SH3PXD2A: variants seen among roughly 807,000 people sequenced by gnomAD.
The protein encoded by SH3PXD2A is SH3 and PX domain-containing protein 2A.
Under a neutral mutation model 115.2 loss-of-function variants are expected in SH3PXD2A, and 32 were observed. The observed-to-expected ratio is 0.28, with a 90% CI of 0.21 to 0.37. The LOEUF (loss-of-function observed/expected upper bound fraction) is 0.37. Among genes scored for constraint, SH3PXD2A ranks in the 10% least tolerant of loss-of-function variants. The pLI is 1.00. For synonymous variants in SH3PXD2A, 610 were observed against 629.1 expected (o/e 0.97, Z 0.45); for missense variants, 1,328 against 1,498.7 (o/e 0.89, Z 1.88).
intron 8 of SH3PXD2A, 32 bp downstream of exon 8, chr10:103,660,951 C>T: frequency 1.2e-6 from 2 of 1,612,166 alleles, no homozygotes; most frequent in Non-Finnish European, 1.7e-6. Context: ...AGACCGGAAC[C>T]CCAGTGGACG....
intron 8 of SH3PXD2A, among the ~76,000 whole-genome samples, chr10:103,652,335 C>T (rs1027637513): frequency 6.6e-6 from 1 of 152,238 alleles, no homozygotes; most frequent in African/African-American, 2.4e-5. Flanking sequence ...CTGGCTCCCC[C>T]AGACTTTGCA....
intron 3 of SH3PXD2A, among the ~76,000 whole-genome samples, chr10:103,765,768 C>T (rs772602380): frequency 6.6e-6 from 1 of 152,240 alleles, no homozygotes; most frequent in Non-Finnish European, 1.5e-5. Flanking sequence ...TACCGGAGCA[C>T]CATCTAAGGT....
chr10:103,724,138 C>G (rs2038212937), intron 5 of SH3PXD2A, 132 bp downstream of exon 5: 4 of 462,494 alleles, frequency 8.6e-6, no homozygotes, highest in Middle Eastern at 4.8e-4. Flanking sequence ...CTTTGGACCA[C>G]TGTTCTTTAG....
At chr10:103,837,640 G>A (rs1031138347) in intron 1 of SH3PXD2A, among the ~76,000 whole-genome samples, 1 of 152,158 alleles carries the variant, frequency 6.6e-6, no homozygotes, top group Admixed American at 6.5e-5. Context: ...TGAGCCCAGG[G>A]GACGTGGGGC....
chr10:103,748,173 C>A (rs1212153073), intron 3 of SH3PXD2A, among the ~76,000 whole-genome samples: 1 of 152,172 alleles, frequency 6.6e-6, no homozygotes, highest in Non-Finnish European at 1.5e-5. Flanking sequence ...CTCATAACAA[C>A]CTCTGAGCTA....
chr10:103,677,991 G>A (rs2037561154), intron 6 of SH3PXD2A: 2 of 600,070 alleles, frequency 3.3e-6, no homozygotes, highest in African/African-American at 1.9e-5. Flanking sequence ...TGGCTCCCGT[G>A]CAGGCCTCCG....
chr10:103,779,276 C>T (rs1435779246), intron 2 of SH3PXD2A, among the ~76,000 whole-genome samples: 7 of 152,192 alleles, frequency 4.6e-5, no homozygotes, highest in African/African-American at 1.7e-4. Context: ...TCATGTTGGC[C>T]GGGCTGGTCT....
At chr10:103,698,323 C>A (rs2037850680) in intron 5 of SH3PXD2A, among the ~76,000 whole-genome samples, 1 of 152,196 alleles carries the variant, frequency 6.6e-6, no homozygotes, top group South Asian at 2.1e-4. Context: ...CCCGCCACAC[C>A]CCTCACCACT....
intron 5 of SH3PXD2A, among the ~76,000 whole-genome samples, chr10:103,696,576 C>T (rs1420330868): frequency 6.6e-6 from 1 of 152,192 alleles, no homozygotes; most frequent in East Asian, 1.9e-4. Flanking sequence ...TGACAGCCCC[C>T]ACCCTGCCGG....
chr10:103,683,299 G>A (rs1004016191), intron 6 of SH3PXD2A, among the ~76,000 whole-genome samples: 1 of 152,108 alleles, frequency 6.6e-6, no homozygotes, highest in Non-Finnish European at 1.5e-5. Context: ...GACTGCCTGA[G>A]CTCAGGAGTT....
At chr10:103,662,047 T>TGGAA in intron 7 of SH3PXD2A, 1 of 710,742 alleles carries the variant, frequency 1.4e-6, no homozygotes, top group Non-Finnish European at 1.7e-6. Flanking sequence ...GCCCTCTGGC[T>TGGAA]GCAGAGACTG....
At chr10:103,721,671 T>C (rs796859227) in intron 5 of SH3PXD2A, among the ~76,000 whole-genome samples, 7 of 152,130 alleles carry the variant, frequency 4.6e-5, no homozygotes, top group African/African-American at 1.7e-4. Context: ...GAGCATCTCC[T>C]CTCTCCCCAT....
At position 103,601,936 on chromosome 10, in the gene SH3PXD2A, C is replaced by G. The variant is rs767600514; in HGVS notation, c.3282G>C (p.Glu1094Asp). 6.2e-7 allele frequency: 1 copy of G among 1,614,132 alleles called. No homozygotes were observed. Among genetic ancestry groups the G allele is most frequent in the Non-Finnish European group, 8.5e-7 (1 of 1,179,996 alleles). ...EGDEETAGFQEGVSMEVLERN... is the reference protein window; with the variant it reads ...EGDEETAGFQDGVSMEVLERN... ...TCTCCAGAACCTCCATGGACACCCC[C>G]TCCTGGAAGCCTGCTGTCTCCTCAT... is the stretch of plus-strand genomic sequence containing the variant. Residue 1094 changes from glutamate (E) to aspartate (D), a missense_variant, in exon 15 of 15, where the codon GAG (glutamate) becomes GAC (aspartate). Around this residue, in one of 5 missense-constraint regions of SH3PXD2A, gnomAD observed 45 missense variants for 73.6 expected, o/e 0.61. Coordinates refer to ENST00000369774, the MANE Select transcript of SH3PXD2A (RefSeq NM_001394015.1).
chr10:103,771,490 G>A (rs2038818313), intron 2 of SH3PXD2A, among the ~76,000 whole-genome samples: 1 of 152,074 alleles, frequency 6.6e-6, no homozygotes, highest in Non-Finnish European at 1.5e-5. Context: ...AGTAGCTCAC[G>A]CCTATAATCC....
intron 3 of SH3PXD2A, among the ~76,000 whole-genome samples, chr10:103,766,466 T>C (rs1042758378): frequency 1.1e-4 from 16 of 152,276 alleles, no homozygotes; most frequent in African/African-American, 3.1e-4. Context: ...TCTTCACCCA[T>C]TGGGGGAGAT....
intron 3 of SH3PXD2A, among the ~76,000 whole-genome samples, chr10:103,741,332 C>T (rs2038441713): frequency 6.6e-6 from 1 of 152,252 alleles, no homozygotes; most frequent in Non-Finnish European, 1.5e-5. Context: ...AACACTCATT[C>T]TGTCTTTAAG....
In SH3PXD2A at chr10:103,678,124, C is replaced by T. The variant is rs1001081692; in HGVS notation, c.428-9472G>A. On this transcript the variant is annotated intron_variant, in intron 6 of 14. Transcript: ENST00000369774. ...CTGGCAGGATGGACGCTACAGGAAA[C>T]AGGAGCCGGAGCAGGAACGACCCGT... 41 of 1,288,942 alleles carry T rather than the reference C, an allele frequency of 3.2e-5. No individual in the cohort carries two copies. In the Admixed American group the frequency reaches 7.8e-4, roughly 25 times the overall value. 79.8% of individuals were successfully genotyped at this position (1,288,942 alleles called of 1,614,324 possible). A position where few individuals can be genotyped will look rare whatever the true frequency, so the allele number is the denominator to read the frequency against.
chr10:103,658,199 G>A (rs2037239128), intron 8 of SH3PXD2A, among the ~76,000 whole-genome samples: 1 of 152,228 alleles, frequency 6.6e-6, no homozygotes, highest in South Asian at 2.1e-4. Context: ...TGAGCAGGCA[G>A]AGCCAGAGGT....
At chr10:103,613,234 C>T in intron 11 of SH3PXD2A, 44 bp from the exon 12 acceptor site, 1 of 1,444,472 alleles carries the variant, frequency 6.9e-7, no homozygotes, top group Non-Finnish European at 9.4e-7. Context: ...GCACTCTGAC[C>T]TCACAGCCCA....
Sources: allele counts gnomAD v4.1 joint callset (sites outside exome capture counted in the v4.1 genomes callset), GRCh38; gene constraint gnomAD v4.1.1; regional missense constraint gnomAD v4.1.1; transcripts MANE v1.5; gene names NCBI Gene and HGNC (gene_info 2026-07-23, HGNC 2026-07-21).